The following PAK5 variants were observed in gnomAD, a reference collection of about 807,000 sequenced individuals.
PAK5 encodes the protein serine/threonine-protein kinase PAK 5.
A neutral mutation model predicts 65.9 loss-of-function variants in PAK5; 16 were observed. The observed-to-expected ratio is 0.24, with a 90% CI of 0.16 to 0.37. PAK5 has a LOEUF of 0.37. PAK5 is among the 10% of genes least tolerant of loss of function. PAK5 has a pLI of 1.00. For missense variants in PAK5, 785 were observed against 903.9 expected, an observed-to-expected ratio of 0.87 and a Z score of 1.69; for synonymous variants, 371 against 354.9, an observed-to-expected ratio of 1.05 and a Z score of -0.51.
intron 7 of PAK5, among the ~76,000 whole-genome samples, chr20:9,548,904 G>T (rs571420999): frequency 1.3e-5 from 2 of 152,098 alleles, no homozygotes; most frequent in Non-Finnish European, 2.9e-5. Flanking sequence ...GTGGTGGTAC[G>T]ATTTGAATTG....
At chr20:9,611,303 A>C (rs967469189) in intron 3 of PAK5, among the ~76,000 whole-genome samples, 5 of 152,198 alleles carry the variant, frequency 3.3e-5, no homozygotes, top group Admixed American at 2.6e-4. Flanking sequence ...CTATCTGCCC[A>C]AAAACAGAAC....
At position 9,832,604 on chromosome 20, in the gene PAK5, G is replaced by T. The variant is rs560903321; in HGVS notation, c.-162+6158C>A. Among the ~76,000 whole-genome samples, 33 of 152,252 alleles carry T rather than the reference G, an allele frequency of 2.2e-4. 1 individual carries two copies. The South Asian group carries it at 6.6e-3, about 31-fold the overall frequency. ...TTGATAAGTATTTTTAAACTTCTCTGTAGGAAGCTTGTATTATGTAACCCT... is the reference window on the plus strand; with the variant it reads ...TTGATAAGTATTTTTAAACTTCTCTTTAGGAAGCTTGTATTATGTAACCCT... On this transcript the variant is annotated intron_variant, in intron 1 of 9. Transcript: ENST00000353224.
intron 2 of PAK5, among the ~76,000 whole-genome samples, chr20:9,705,136 A>T (rs1420240581): frequency 6.6e-6 from 1 of 152,200 alleles, no homozygotes; most frequent in Non-Finnish European, 1.5e-5. Flanking sequence ...ATCCCATGGG[A>T]ATTATGCAGT....
In PAK5 at chr20:9,552,081, G is replaced by A. The variant is rs114673415; in HGVS notation, c.1743+5527C>T. On this transcript the variant is annotated intron_variant, in intron 7 of 9. Transcript: ENST00000353224. ...CCCTTATCATGATGTGTGAATCCAG[G>A]CACAGTGTTGCCAGACCCTTTGATT... Among the ~76,000 whole-genome samples the A allele has an allele frequency of 8.2e-3, 1,242 of 152,242 alleles. 13 individuals carry two copies. Among genetic ancestry groups the A allele is most frequent in the African/African-American group, 0.027 (1,133 of 41,548 alleles).
At chr20:9,735,152 C>A (rs1464909878) in intron 1 of PAK5, among the ~76,000 whole-genome samples, 1 of 151,780 alleles carries the variant, frequency 6.6e-6, no homozygotes, top group Non-Finnish European at 1.5e-5. Context: ...GGATGTGGTG[C>A]AGGGAGGGGG....
chr20:9,560,992 G>A (rs1401017322), intron 6 of PAK5, among the ~76,000 whole-genome samples: 2 of 152,226 alleles, frequency 1.3e-5, no homozygotes, highest in Admixed American at 6.5e-5. Flanking sequence ...AGCACTTGGA[G>A]TTGCAAGGGG....
chr20:9,790,678 T>A (rs2049041280), intron 1 of PAK5, among the ~76,000 whole-genome samples: 1 of 152,014 alleles, frequency 6.6e-6, no homozygotes, highest in South Asian at 2.1e-4. Context: ...ATTTTTTATT[T>A]TTTGTAGACA....
Position 9,684,457 on chromosome 20 carries a change from G to A in PAK5, c.-12+26829C>T, listed in dbSNP as rs555176823. Among the ~76,000 whole-genome samples, 4 of 152,324 alleles carry A rather than the reference G, an allele frequency of 2.6e-5. No individual in the cohort carries two copies. In the South Asian group the frequency reaches 8.3e-4, roughly 32 times the overall value. ...AAGTCAAGCCATGAAAGACTTCAAGGAAGGGCAGTATTCAAGGTTTAGAAA... is the reference window on the plus strand; with the variant it reads ...AAGTCAAGCCATGAAAGACTTCAAGAAAGGGCAGTATTCAAGGTTTAGAAA... On this transcript the variant is annotated intron_variant, in intron 2 of 9. Transcript: ENST00000353224.
chr20:9,788,801 T>A (rs1258967891), intron 1 of PAK5, among the ~76,000 whole-genome samples: 3 of 152,180 alleles, frequency 2.0e-5, no homozygotes, highest in Non-Finnish European at 4.4e-5. Context: ...CCTAGAGTTT[T>A]ACCCCCACCT....
In PAK5 at chr20:9,537,892, A is replaced by T; in HGVS notation, c.*1570T>A. On this transcript the variant is annotated 3_prime_UTR_variant, in exon 10 of 10. Coordinates refer to ENST00000353224, the MANE Select transcript of PAK5 (RefSeq NM_177990.4). Reference sequence around the variant, plus strand: ...ATGCCTTTTTTCCTTTTTAGCAGTGATAAATAATTAGCAACCTATTAATTA... The same window carrying T: ...ATGCCTTTTTTCCTTTTTAGCAGTGTTAAATAATTAGCAACCTATTAATTA... The T allele has an allele frequency of 4.4e-6, 1 of 229,350 alleles. No individual in the cohort carries two copies. Among genetic ancestry groups the T allele is most frequent in the Non-Finnish European group, 8.7e-6 (1 of 115,462 alleles). 14.2% of individuals were successfully genotyped at this position (229,350 alleles called of 1,614,324 possible).
At chr20:9,690,051 T>G (rs2047771416) in intron 2 of PAK5, among the ~76,000 whole-genome samples, 1 of 152,188 alleles carries the variant, frequency 6.6e-6, no homozygotes, top group South Asian at 2.1e-4. Context: ...AAAAACAATC[T>G]TCTTTGCTCA....
intron 1 of PAK5, among the ~76,000 whole-genome samples, chr20:9,802,035 C>T (rs539816427): frequency 1.3e-5 from 2 of 152,088 alleles, no homozygotes; most frequent in Non-Finnish European, 2.9e-5. Context: ...TCTGAGAATC[C>T]ATAAAAAATG....
chr20:9,644,130 T>C lies in PAK5; in HGVS notation c.199A>G (p.Met67Val), dbSNP rs1343325802. The C allele has an allele frequency of 1.9e-6, 3 of 1,613,396 alleles. No homozygotes were observed. The highest frequency in any genetic ancestry group is 2.2e-5 in the East Asian group (1 of 44,892). The change falls in exon 3 of 10, where the codon ATG (methionine) becomes GTG (valine). Residue 67 changes from methionine (M) to valine (V), a missense_variant. Transcript: ENST00000353224. ...SCITPIQLAPMKTIVRGNKPC... is the reference protein window; with the variant it reads ...SCITPIQLAPVKTIVRGNKPC... ...AGATGGAGCCCTCACCATACCTTCATAGGAGCCAGCTGGATGGGTGTGATG... is the reference window on the plus strand; with the variant it reads ...AGATGGAGCCCTCACCATACCTTCACAGGAGCCAGCTGGATGGGTGTGATG...
Position 9,557,699 on chromosome 20 carries a change from G to A in PAK5, c.1652C>T (p.Ser551Leu), listed in dbSNP as rs749915897. Residue 551 changes from serine to leucine, a missense_variant, in exon 7 of 10, where the codon TCA becomes TTA. Physicochemically the swap from Ser to Leu is moderately radical, Grantham distance 145. Transcript: ENST00000353224. Reference protein sequence around the residue: ...NEEQIATVCLSVLRALSYLHN... With the variant: ...NEEQIATVCLLVLRALSYLHN... ...AAGGTAGGAGAGAGCTCTCAGAACT[G>A]ACAGGCAGACAGTAGCTATCTGTTC... is the stretch of plus-strand genomic sequence containing the variant. The A allele has an allele frequency of 1.2e-6, 2 of 1,611,160 alleles. No individual in the cohort carries two copies. The highest frequency in any genetic ancestry group is 1.7e-6 in the Non-Finnish European group (2 of 1,177,474).
rs115744894 is a variant in PAK5 at position 9,815,576 on chromosome 20, T to G, written c.-162+23186A>C. 6.1e-3 allele frequency among the ~76,000 whole-genome samples: 933 copies of G among 152,246 alleles called. 12 individuals are homozygous for G. The highest frequency in any genetic ancestry group is 0.021 in the African/African-American group (883 of 41,558). On this transcript the variant is annotated intron_variant, in intron 1 of 9. Transcript: ENST00000353224. ...TTCACTTGTCAAACTGTCGTTCAGG[T>G]ATAATTTTGCAATGGTCCCGTCGGT...
intron 1 of PAK5, among the ~76,000 whole-genome samples, chr20:9,734,552 G>GCACACACACACACACA (rs56706449): frequency 4.8e-4 from 72 of 149,470 alleles, no homozygotes; most frequent in Admixed American, 2.5e-3. Context: ...ACGCGCACAT[G>GCACACACACACACACA]CACACACACA....
At chr20:9,589,434 A>G (rs2046127345) in intron 3 of PAK5, among the ~76,000 whole-genome samples, 1 of 152,194 alleles carries the variant, frequency 6.6e-6, no homozygotes, top group Admixed American at 6.6e-5. Flanking sequence ...GCTATTACCA[A>G]TAGATATTTT....
chr20:9,606,291 G>A (rs1224886694), intron 3 of PAK5, among the ~76,000 whole-genome samples: 12 of 152,100 alleles, frequency 7.9e-5, no homozygotes, highest in African/African-American at 2.2e-4. Context: ...TGCCTTCCCC[G>A]ATGATTGTAA....
intron 3 of PAK5, among the ~76,000 whole-genome samples, chr20:9,639,444 A>C (rs947329762): frequency 6.6e-6 from 1 of 152,040 alleles, no homozygotes; most frequent in African/African-American, 2.4e-5. Context: ...CTTCAGTTAA[A>C]TGGATTTGAT....
Sources: allele counts gnomAD v4.1 joint callset (sites outside exome capture counted in the v4.1 genomes callset), GRCh38; gene constraint gnomAD v4.1.1; transcripts MANE v1.5; gene names NCBI Gene and HGNC (gene_info 2026-07-23, HGNC 2026-07-21).